Variants in DLGAP3 observed in about 807,000 individuals in gnomAD.
DLGAP3 encodes disks large-associated protein 3.
Under a neutral mutation model 81.2 loss-of-function variants are expected in DLGAP3, and 17 were observed. That is an observed-to-expected ratio of 0.21 (90% CI 0.14 to 0.31). DLGAP3 has a LOEUF of 0.31. Among genes scored for constraint, DLGAP3 ranks in the 10% least tolerant of loss-of-function variants. The probability of loss-of-function intolerance (pLI) is 1.00; values close to 1 mark genes in which losing one functional copy is unlikely to be tolerated. For missense variants in DLGAP3, 1,124 were observed against 1,388.0 expected, an observed-to-expected ratio of 0.81 and a Z score of 3.02; for synonymous variants, 577 against 587.4, an observed-to-expected ratio of 0.98 and a Z score of 0.26.
In DLGAP3 at chr1:34,908,277, G is replaced by A. The variant is rs7555884; in HGVS notation, c.-134-840C>T. 1.2e-4 allele frequency among the ~76,000 whole-genome samples: 19 copies of A among 152,152 alleles called. No homozygotes were observed. In the Middle Eastern group the frequency reaches 0.01, roughly 82 times the overall value. On this transcript the variant is annotated intron_variant, in intron 1 of 11. Transcript: ENST00000373347. ...AAGAGGTACCAAAATGTTAGGCTAC[G>A]TCAGATGAGAATGGGACAAGATTCA...
At chr1:34,911,022 A>ACCCCCCCCCCCC (rs58074971) in intron 1 of DLGAP3, among the ~76,000 whole-genome samples, 4 of 131,946 alleles carry the variant, frequency 3.0e-5, no homozygotes, top group Admixed American at 2.4e-4. Context: ...GATATTATCC[A>ACCCCCCCCCCCC]CCCCCCCCCC....
In DLGAP3 at chr1:34,873,731, C is replaced by T. The variant is rs1236806769; in HGVS notation, c.2001-4642G>A. Among the ~76,000 whole-genome samples the T allele has an allele frequency of 1.3e-5, 2 of 152,136 alleles. No homozygotes were observed. The highest frequency in any genetic ancestry group is 2.9e-5 in the Non-Finnish European group (2 of 68,028). On this transcript the variant is annotated intron_variant, in intron 8 of 11. Coordinates refer to ENST00000373347, the MANE Select transcript of DLGAP3 (RefSeq NM_001080418.3). This position sits in a 1 kb window ranked among gnomAD's most constrained non-coding sequence, Gnocchi z 4.2. ...TTCTCCCACAGCGCTTTGAACAAAA[C>T]TCTTTTATACTCCATATCACATTGT...
At chr1:34,918,699 G>A (rs935112147) in intron 1 of DLGAP3, among the ~76,000 whole-genome samples, 2 of 152,218 alleles carry the variant, frequency 1.3e-5, no homozygotes, top group African/African-American at 4.8e-5. Flanking sequence ...CCCGACTTGA[G>A]GGGTAAGGAG....
intron 8 of DLGAP3, among the ~76,000 whole-genome samples, chr1:34,877,385 T>C (rs1639074656): frequency 6.6e-6 from 1 of 152,176 alleles, no homozygotes; most frequent in African/African-American, 2.4e-5. Flanking sequence ...GGGGTTCAAA[T>C]GAGTATTACC....
At chr1:34,928,934 C>T (rs1368287213) in intron 1 of DLGAP3, among the ~76,000 whole-genome samples, 4 of 151,992 alleles carry the variant, frequency 2.6e-5, no homozygotes, top group Non-Finnish European at 5.9e-5. Flanking sequence ...CACTAACATG[C>T]ACACACACTC....
Position 34,904,730 on chromosome 1 carries a change from G to C in DLGAP3, c.654C>G (p.Gly218=). 6.2e-7 allele frequency: 1 copy of C among 1,612,520 alleles called. No individual in the cohort carries two copies. Among genetic ancestry groups the C allele is most frequent in the South Asian group, 1.1e-5 (1 of 91,082 alleles). Residue 218 remains glycine (G), a synonymous_variant, in exon 3 of 12, where the codon GGC becomes GGG. Transcript: ENST00000373347. The surrounding 1 kb of genome is among the most constrained non-coding windows in gnomAD (Gnocchi z 8.1). ...GDSYPGPGSG[G]PHTSHHHHHH... is the part of the protein sequence containing the mutation. ...GATGGTGGTGATGGGAGGTGTGGGGGCCTCCAGAGCCCGGGCCGGGGTAGC... is the reference window on the plus strand; with the variant it reads ...GATGGTGGTGATGGGAGGTGTGGGGCCCTCCAGAGCCCGGGCCGGGGTAGC...
At chr1:34,901,624 A>G (rs1639461787) in intron 3 of DLGAP3, among the ~76,000 whole-genome samples, 1 of 152,220 alleles carries the variant, frequency 6.6e-6, no homozygotes, top group Admixed American at 6.5e-5. Context: ...TTTCCAGGAC[A>G]TAGAAAGTGC....
chr1:34,926,895 C>T (rs1360023966), intron 1 of DLGAP3, among the ~76,000 whole-genome samples: 1 of 152,148 alleles, frequency 6.6e-6, no homozygotes, highest in African/African-American at 2.4e-5. Flanking sequence ...AATGGTCTAT[C>T]CAGCTAGAGG....
At chr1:34,907,206 C>T (rs1449311457) in intron 2 of DLGAP3, 149 bp downstream of exon 2, 1 of 152,504 alleles carries the variant, frequency 6.6e-6, no homozygotes, top group Non-Finnish European at 1.5e-5. Flanking sequence ...AGGTATTATC[C>T]ACACTTACCC....
chr1:34,923,590 G>T (rs1320546798), intron 1 of DLGAP3, among the ~76,000 whole-genome samples: 2 of 152,026 alleles, frequency 1.3e-5, no homozygotes, highest in African/African-American at 4.8e-5. Context: ...GACTGCTTCA[G>T]GCAGTAGCAG....
chr1:34,900,086 A>G lies in DLGAP3; in HGVS notation c.1295T>C (p.Val432Ala), dbSNP rs1246304927. 1 of 1,613,478 alleles carries G rather than the reference A, an allele frequency of 6.2e-7. No homozygotes were observed. The highest frequency in any genetic ancestry group is 1.1e-5 in the South Asian group (1 of 91,074). Residue 432 changes from valine (V) to alanine (A), a missense_variant, in exon 4 of 12, where the codon GTG becomes GCG. Val to Ala is a moderately conservative substitution (Grantham distance 64, BLOSUM62 0). Transcript: ENST00000373347. This position sits in a 1 kb window ranked among gnomAD's most constrained non-coding sequence, Gnocchi z 5.6. ...TCCTTACTTGATCCTGGCCTGGTCC[A>G]CGCTGGAGGAGCGACGGGTGGTGAA... ...RRFTTRRSSS[V>A]DQARINCCVP...
In DLGAP3 at chr1:34,929,437, T is replaced by G. The variant is rs1639923096; in HGVS notation, c.-135+14A>C. The G allele has an allele frequency of 6.8e-6, 1 of 147,386 alleles. No homozygotes were observed. Among genetic ancestry groups the G allele is most frequent in the Non-Finnish European group, 1.5e-5 (1 of 66,200 alleles). 9.1% of individuals were successfully genotyped at this position (147,386 alleles called of 1,614,324 possible). ...GCGAGCGCGGCCCCGTCCCCACTCC[T>G]CCCCGCGGCTTACCTGGCCCGGCTC... On this transcript the variant is annotated intron_variant, in intron 1 of 11. Coordinates refer to ENST00000373347, the MANE Select transcript of DLGAP3 (RefSeq NM_001080418.3). The surrounding 1 kb of genome is among the most constrained non-coding windows in gnomAD (Gnocchi z 6.5).
chr1:34,921,793 T>C (rs1439014604), intron 1 of DLGAP3, among the ~76,000 whole-genome samples: 1 of 152,210 alleles, frequency 6.6e-6, no homozygotes, highest in East Asian at 1.9e-4. Flanking sequence ...TGCCCACATA[T>C]TTCTGTAAAT....
Position 34,885,034 on chromosome 1 carries a change from C to T in DLGAP3, c.1944G>A (p.Glu648=), listed in dbSNP as rs1428994438. The T allele has an allele frequency of 1.2e-6, 2 of 1,613,550 alleles. No homozygotes were observed. The highest frequency in any genetic ancestry group is 1.3e-5 in the African/African-American group (1 of 75,034). Residue 648 remains glutamate, a synonymous_variant, in exon 8 of 12, where the codon GAG becomes GAA. Transcript: ENST00000373347. ...QVETISDSDT[E]NRSRREFHSI... ...AGTGGAACTCCCTCCGGCTCCTGTTCTCGGTGTCCGAATCTGAGATCGTCT... is the reference window on the plus strand; with the variant it reads ...AGTGGAACTCCCTCCGGCTCCTGTTTTCGGTGTCCGAATCTGAGATCGTCT...
chr1:34,885,743 G>C lies in DLGAP3; in HGVS notation c.1649C>G (p.Ala550Gly). 7.0e-7 allele frequency: 1 copy of C among 1,420,688 alleles called. No homozygotes were observed. 88.0% of individuals were successfully genotyped at this position (1,420,688 alleles called of 1,614,324 possible). Residue 550 changes from alanine (A) to glycine (G), a missense_variant, in exon 7 of 12, where the codon GCC becomes GGC. This residue lies in a region of DLGAP3 where 379 missense variants were observed against 455.7 expected (regional missense o/e 0.83). Transcript: ENST00000373347. ...APPPIPPGSQ[A>G]PPRISITAQS... is the part of the protein sequence containing the mutation. ...GGCGGTGATGGAGATGCGGGGCGGG[G>C]CCTGGCTTCCCGGCGGGATGGGGGG...
At chr1:34,893,854 A>G (rs999537150) in intron 5 of DLGAP3, among the ~76,000 whole-genome samples, 4 of 152,246 alleles carry the variant, frequency 2.6e-5, no homozygotes, top group Admixed American at 6.5e-5. Flanking sequence ...ACAGAGGATC[A>G]AAAAATAATA....
At position 34,895,930 on chromosome 1, in the gene DLGAP3, ACACACACACACAC is replaced by A. The variant is rs1639374653; in HGVS notation, c.1386+3726_1386+3738del. Among the ~76,000 whole-genome samples the A allele has an allele frequency of 9.9e-6, 1 of 100,960 alleles. No homozygotes were observed. The highest frequency in any genetic ancestry group is 2.5e-3 in the East Asian group (1 of 398). 66.2% of individuals were successfully genotyped at this position (100,960 alleles called of 152,430 possible). On this transcript the variant is annotated intron_variant, in intron 5 of 11. Transcript: ENST00000373347. The surrounding 1 kb of genome is among the most constrained non-coding windows in gnomAD (Gnocchi z 4.5). ...TTGAATCACACATACACACACACAC[ACACACACACACAC>A]ACACACACACACTACTCAAAGTGGG...
At position 34,904,860 on chromosome 1, in the gene DLGAP3, T is replaced by A; in HGVS notation, c.524A>T (p.His175Leu). The A allele has an allele frequency of 6.2e-7, 1 of 1,610,142 alleles. No individual in the cohort carries two copies. The highest frequency in any genetic ancestry group is 8.5e-7 in the Non-Finnish European group (1 of 1,179,994). Residue 175 changes from histidine (H) to leucine (L), a missense_variant, in exon 3 of 12, where the codon CAT becomes CTT. By Grantham distance (99) the His-to-Leu change is moderately conservative. Transcript: ENST00000373347. This position sits in a 1 kb window ranked among gnomAD's most constrained non-coding sequence, Gnocchi z 8.1. The part of the protein sequence containing the change: ...ESPSRIRHLV[H>L]SVQKLFAKSH... ...CTTGGCAAAGAGCTTCTGCACAGAA[T>A]GAACCAGGTGCCGGATGCGGCTAGG...
rs1476893732 is a variant in DLGAP3, at chr1:34,885,940, GCT to G, written c.1600+130_1600+131del. ...TGCTGCTGCACACACGCCAACGGAC[GCT>G]CTCCCCGTCATCCGACCCCGGGAGC... On this transcript the variant is annotated intron_variant, in intron 6 of 11. Coordinates refer to ENST00000373347, the MANE Select transcript of DLGAP3 (RefSeq NM_001080418.3). 4 of 1,157,844 alleles carry G rather than the reference GCT, an allele frequency of 3.5e-6. No homozygotes were observed. The African/African-American group carries it at 4.6e-5, about 13-fold the overall frequency. The allele number at this position is 1,157,844 out of a possible 1,614,324, so 71.7% of individuals were successfully genotyped here. A position where few individuals can be genotyped will look rare whatever the true frequency, so the allele number is the denominator to read the frequency against.
Sources: allele counts gnomAD v4.1 joint callset (sites outside exome capture counted in the v4.1 genomes callset), GRCh38; gene constraint gnomAD v4.1.1; regional missense constraint gnomAD v4.1.1; non-coding constraint Gnocchi (gnomAD v3.1); transcripts MANE v1.5; gene names NCBI Gene and HGNC (gene_info 2026-07-23, HGNC 2026-07-21).